SNX31: variants seen among roughly 807,000 people sequenced by gnomAD.
The protein encoded by SNX31 is sorting nexin 31.
A neutral mutation model predicts 65.4 loss-of-function variants in SNX31; 58 were observed. That is an observed-to-expected ratio of 0.89 (90% CI 0.72 to 1.10). The LOEUF (loss-of-function observed/expected upper bound fraction) is 1.10, where lower values mean the gene tolerates loss of function less well. Among genes scored for constraint, SNX31 ranks in the 50% least tolerant of loss-of-function variants. The pLI is 0.00. For missense variants in SNX31, 523 were observed against 529.7 expected, an observed-to-expected ratio of 0.99 and a Z score of 0.12; for synonymous variants, 181 against 190.1, an observed-to-expected ratio of 0.95 and a Z score of 0.39.
At chr8:100,649,163 G>C in intron 2 of SNX31, 111 bp downstream of exon 2, 1 of 1,007,532 alleles carries the variant, frequency 9.9e-7, no homozygotes, top group Non-Finnish European at 1.5e-6. Context: ...GGAAGCCCGA[G>C]GCCGTGAAAG....
chr8:100,623,271 T>C (rs887492268), intron 4 of SNX31, among the ~76,000 whole-genome samples: 1 of 152,076 alleles, frequency 6.6e-6, no homozygotes, highest in African/African-American at 2.4e-5. Context: ...TCATGAGAAC[T>C]CACTCACTGT....
chr8:100,634,317 G>T lies in SNX31; in HGVS notation c.256+1580C>A, dbSNP rs1818601542. ...ACATGAAGGCACAAGCTCTGGCACT[G>T]CTAATAAAGACCTCTGACATCTCTC... On this transcript the variant is annotated intron_variant, in intron 3 of 13. Transcript: ENST00000311812. 3.3e-5 allele frequency among the ~76,000 whole-genome samples: 5 copies of T among 152,184 alleles called. No homozygotes were observed. The South Asian group carries it at 1.0e-3, about 32-fold the overall frequency.
rs968655913 is a variant in SNX31, at chr8:100,649,633, C to G, written c.-119G>C. 2 of 974,264 alleles carry G rather than the reference C, an allele frequency of 2.1e-6. No homozygotes were observed. The highest frequency in any genetic ancestry group is 3.4e-5 in the African/African-American group (2 of 58,154). 60.4% of individuals were successfully genotyped at this position (974,264 alleles called of 1,614,324 possible). A position where few individuals can be genotyped will look rare whatever the true frequency, so the allele number is the denominator to read the frequency against. On this transcript the variant is annotated 5_prime_UTR_variant, in exon 1 of 14. Coordinates refer to ENST00000311812, the MANE Select transcript of SNX31 (RefSeq NM_152628.4). ...GCCTGCCACGCGACTCAGAGCGAACCCCGGCGCCCGCTCTCGCCGGCCGGG... is the reference window on the plus strand; with the variant it reads ...GCCTGCCACGCGACTCAGAGCGAACGCCGGCGCCCGCTCTCGCCGGCCGGG...
chr8:100,615,198 T>C (rs1044896533), intron 5 of SNX31, among the ~76,000 whole-genome samples: 1 of 152,114 alleles, frequency 6.6e-6, no homozygotes, highest in Non-Finnish European at 1.5e-5. Flanking sequence ...CAAGCCAACA[T>C]GATTGGAAGA....
At chr8:100,643,485 A>G (rs1279407622) in intron 2 of SNX31, among the ~76,000 whole-genome samples, 1 of 152,190 alleles carries the variant, frequency 6.6e-6, no homozygotes, top group African/African-American at 2.4e-5. Flanking sequence ...TTCACCAGAT[A>G]AAGGGCCACA....
chr8:100,621,909 G>A (rs1234531810), intron 4 of SNX31, among the ~76,000 whole-genome samples: 2 of 152,214 alleles, frequency 1.3e-5, no homozygotes, highest in Admixed American at 6.5e-5. Context: ...CAGGGTCCTC[G>A]CCTTCAGCTG....
rs185179420 is a variant in SNX31 at position 100,604,483 on chromosome 8, C to A, written c.681+4011G>T. Among the ~76,000 whole-genome samples the A allele has an allele frequency of 7.2e-5, 11 of 152,212 alleles. No individual in the cohort carries two copies. The East Asian group carries it at 1.9e-3, about 27-fold the overall frequency. ...GACGTGTGTGCCTGGACAAGGTCACCAGGCCATAGGGGAGTCAGGAAGCCA... is the reference window on the plus strand; with the variant it reads ...GACGTGTGTGCCTGGACAAGGTCACAAGGCCATAGGGGAGTCAGGAAGCCA... On this transcript the variant is annotated intron_variant, in intron 8 of 13. Coordinates refer to ENST00000311812, the MANE Select transcript of SNX31 (RefSeq NM_152628.4). The surrounding 1 kb of genome is among the most constrained non-coding windows in gnomAD (Gnocchi z 4.3).
rs1362537507 is a variant in SNX31 at position 100,588,545 on chromosome 8, G to C, written c.1092+321C>G. ...TTAACAGAGTTGAGCAGTTGCAACA[G>C]AGACTGTATGGATCTCAAATCCTAA... On this transcript the variant is annotated intron_variant, in intron 11 of 13. Transcript: ENST00000311812. This position sits in a 1 kb window ranked among gnomAD's most constrained non-coding sequence, Gnocchi z 4.8. Among the ~76,000 whole-genome samples the C allele has an allele frequency of 6.6e-6, 1 of 152,196 alleles. No homozygotes were observed. Among genetic ancestry groups the C allele is most frequent in the Non-Finnish European group, 1.5e-5 (1 of 68,028 alleles).
intron 8 of SNX31, among the ~76,000 whole-genome samples, chr8:100,608,111 T>C (rs1816343197): frequency 6.6e-6 from 1 of 152,256 alleles, no homozygotes; most frequent in African/African-American, 2.4e-5. Context: ...GAGATAGAAT[T>C]CCTTTTCTCT....
At chr8:100,643,869 A>G (rs942723698) in intron 2 of SNX31, among the ~76,000 whole-genome samples, 54 of 152,308 alleles carry the variant, frequency 3.5e-4, no homozygotes, top group East Asian at 1.9e-3. Flanking sequence ...GAGACAAAAT[A>G]TAAACACAAA....
chr8:100,613,309 C>G lies in SNX31; in HGVS notation c.433-224G>C, dbSNP rs1282805689. Among the ~76,000 whole-genome samples the G allele has an allele frequency of 6.6e-6, 1 of 152,116 alleles. No individual in the cohort carries two copies. Among genetic ancestry groups the G allele is most frequent in the South Asian group, 2.1e-4 (1 of 4,824 alleles). ...TAAAGAAAATAAAAATCAGCCCCAC[C>G]ACAATGGACAGAGGCTGGCCCCAAG... is the stretch of plus-strand genomic sequence containing the variant. On this transcript the variant is annotated intron_variant, in intron 5 of 13. Coordinates refer to ENST00000311812, the MANE Select transcript of SNX31 (RefSeq NM_152628.4). The surrounding 1 kb of genome is among the most constrained non-coding windows in gnomAD (Gnocchi z 5.2).
intron 13 of SNX31, among the ~76,000 whole-genome samples, chr8:100,574,561 A>G (rs1196246609): frequency 1.3e-5 from 2 of 149,022 alleles, no homozygotes; most frequent in Admixed American, 6.7e-5. Context: ...TGAACCCTGG[A>G]GGCAGAGGTT....
chr8:100,590,237 GA>G (rs1181629511), intron 10 of SNX31, among the ~76,000 whole-genome samples: 1 of 152,144 alleles, frequency 6.6e-6, no homozygotes, highest in African/African-American at 2.4e-5. Context: ...AATAGGGAAA[GA>G]AAAAAGATAT....
chr8:100,577,128 A>G, intron 12 of SNX31, 53 bp from the exon 13 acceptor site: 1 of 1,469,634 alleles, frequency 6.8e-7, no homozygotes, highest in South Asian at 1.2e-5. Flanking sequence ...GCAAGCACAC[A>G]AACAATCTAT....
chr8:100,592,920 G>A (rs1042405590), intron 10 of SNX31, among the ~76,000 whole-genome samples: 1 of 152,090 alleles, frequency 6.6e-6, no homozygotes, highest in African/African-American at 2.4e-5. Flanking sequence ...TAGCTCAAGC[G>A]GTTACCTCCT....
At position 100,577,065 on chromosome 8, in the gene SNX31, A is replaced by T. The variant is rs771482139; in HGVS notation, c.1181T>A (p.Val394Asp). The T allele has an allele frequency of 3.1e-6, 5 of 1,613,748 alleles. No homozygotes were observed. Among genetic ancestry groups the T allele is most frequent in the Non-Finnish European group, 4.2e-6 (5 of 1,179,918 alleles). ...AAENTEMQIEVPEQSKSKKYH... is the reference protein window; with the variant it reads ...AAENTEMQIEDPEQSKSKKYH... ...TTTTTTACTTTTGCTTTGTTCCGGAACTTCAATCTGCTAGATAGATTAGTG... is the reference window on the plus strand; with the variant it reads ...TTTTTTACTTTTGCTTTGTTCCGGATCTTCAATCTGCTAGATAGATTAGTG... Residue 394 changes from valine (V) to aspartate (D), a missense_variant, in exon 13 of 14, where the codon GTT becomes GAT. Transcript: ENST00000311812.
At position 100,660,518 on chromosome 8, in the gene SNX31, C is replaced by A. The variant is rs1809764654; in HGVS notation, c.-58+2624G>T. Among the ~76,000 whole-genome samples the A allele has an allele frequency of 6.6e-6, 1 of 152,208 alleles. No homozygotes were observed. The highest frequency in any genetic ancestry group is 2.1e-4 in the South Asian group (1 of 4,834). ...TGATACTAAATGATTGTGTTTTACA[C>A]AAGAGATCAAACCAGGTCCTGCAAT... On this transcript the variant is annotated intron_variant, in intron 1 of 5. Transcript: ENST00000520352. The surrounding 1 kb of genome is among the most constrained non-coding windows in gnomAD (Gnocchi z 4.1).
Position 100,630,440 on chromosome 8 carries a change from C to T in SNX31, c.257-49G>A, listed in dbSNP as rs7828798. 0.13 allele frequency: 206,836 copies of T among 1,538,692 alleles called. 15,787 individuals carry two copies. The highest frequency in any genetic ancestry group is 0.28 in the African/African-American group (20,167 of 72,410). Reference sequence around the variant, plus strand: ...AGGTTAGCATGGGCTGGGCTGGGCCCTGCCTATTAATTGCTATGTCCTCCA... The same window carrying T: ...AGGTTAGCATGGGCTGGGCTGGGCCTTGCCTATTAATTGCTATGTCCTCCA... On this transcript the variant is annotated intron_variant, in intron 3 of 13. Coordinates refer to ENST00000311812, the MANE Select transcript of SNX31 (RefSeq NM_152628.4). This position sits in a 1 kb window ranked among gnomAD's most constrained non-coding sequence, Gnocchi z 5.3.
At chr8:100,618,827 G>C (rs1051920351) in intron 4 of SNX31, 1 of 166,808 alleles carries the variant, frequency 6.0e-6, no homozygotes, top group African/African-American at 2.4e-5. Context: ...CCACTTGCTC[G>C]CCAACCTGGA....
Sources: allele counts gnomAD v4.1 joint callset (sites outside exome capture counted in the v4.1 genomes callset), GRCh38; gene constraint gnomAD v4.1.1; non-coding constraint Gnocchi (gnomAD v3.1); transcripts MANE v1.5; gene names NCBI Gene and HGNC (gene_info 2026-07-23, HGNC 2026-07-21).